The following RAD23B variants were observed in gnomAD, a reference collection of about 807,000 sequenced individuals.
The protein encoded by RAD23B is lysine-specific demethylase RAD23B.
Under a neutral mutation model 49.1 loss-of-function variants are expected in RAD23B, and 5 were observed. The observed-to-expected ratio is 0.10, with a 90% CI of 0.05 to 0.21. The LOEUF is 0.21. Among genes scored for constraint, RAD23B ranks in the 10% least tolerant of loss-of-function variants. RAD23B has a pLI of 1.00. For synonymous variants in RAD23B, 184 were observed against 165.4 expected (o/e 1.11, Z -0.86); for missense variants, 356 against 486.7 (o/e 0.73, Z 2.53).
At chr9:107,308,713 T>C (rs956739708) in intron 4 of RAD23B, among the ~76,000 whole-genome samples, 7 of 152,186 alleles carry the variant, frequency 4.6e-5, no homozygotes, top group Non-Finnish European at 1.0e-4. Context: ...TTACTCTTAT[T>C]TCTCAAAATT....
At chr9:107,298,615 G>A (rs10978787) in intron 1 of RAD23B, among the ~76,000 whole-genome samples, 3 of 149,638 alleles carry the variant, frequency 2.0e-5, no homozygotes, top group African/African-American at 4.9e-5. Flanking sequence ...ACAGGCATCA[G>A]CCACTGCGCC....
At chr9:107,323,057 A>G (rs1013687866) in intron 7 of RAD23B, among the ~76,000 whole-genome samples, 9 of 152,240 alleles carry the variant, frequency 5.9e-5, no homozygotes, top group Non-Finnish European at 1.0e-4. Context: ...GGAAATTACA[A>G]CATACATCTA....
At chr9:107,305,626 G>A (rs1415406620) in intron 3 of RAD23B, among the ~76,000 whole-genome samples, 1 of 152,166 alleles carries the variant, frequency 6.6e-6, no homozygotes, top group Non-Finnish European at 1.5e-5. Context: ...TGCTGAGCGT[G>A]TGGAGGTAAC....
Position 107,331,589 on chromosome 9 carries a change from T to C in RAD23B, c.*1933T>C, listed in dbSNP as rs1387736338. 6 of 721,316 alleles carry C rather than the reference T, an allele frequency of 8.3e-6. No homozygotes were observed. In the African/African-American group the frequency reaches 1.1e-4, roughly 13 times the overall value. 44.7% of individuals were successfully genotyped at this position (721,316 alleles called of 1,614,324 possible). A position where few individuals can be genotyped will look rare whatever the true frequency, so the allele number is the denominator to read the frequency against. On this transcript the variant is annotated 3_prime_UTR_variant, in exon 10 of 10. Transcript: ENST00000358015. ...ACGTTCATCTTTCAAGTCAGAGCAA[T>C]GAGTTGGGAAAAGAGGTGGCATTTC...
At chr9:107,312,455 C>T (rs1175895081) in intron 5 of RAD23B, among the ~76,000 whole-genome samples, 1 of 152,160 alleles carries the variant, frequency 6.6e-6, no homozygotes, top group Admixed American at 6.6e-5. Flanking sequence ...CAGCAGGGTT[C>T]CAGCAGCAGT....
chr9:107,323,633 CAAT>C (rs1007927990), intron 7 of RAD23B, among the ~76,000 whole-genome samples: 3 of 152,096 alleles, frequency 2.0e-5, no homozygotes, highest in African/African-American at 7.2e-5. Context: ...GTGCCAAGGG[CAAT>C]TATAGGAAAG....
chr9:107,321,233 T>G (rs1827104754), intron 6 of RAD23B, among the ~76,000 whole-genome samples: 1 of 151,232 alleles, frequency 6.6e-6, no homozygotes, highest in South Asian at 2.1e-4. Context: ...TTGAGATACT[T>G]TATCTCATTT....
chr9:107,285,298 G>T (rs1833254130), intron 1 of RAD23B, among the ~76,000 whole-genome samples: 1 of 151,444 alleles, frequency 6.6e-6, no homozygotes, highest in African/African-American at 2.4e-5. Flanking sequence ...AATGGAGTTT[G>T]TTTGATGATT....
chr9:107,305,566 G>GC (rs1554741756), intron 3 of RAD23B, among the ~76,000 whole-genome samples: 1 of 151,924 alleles, frequency 6.6e-6, no homozygotes, highest in Non-Finnish European at 1.5e-5. Context: ...TCAACTAATT[G>GC]TTTTTTTGCT....
chr9:107,305,433 G>A (rs1472722556), intron 3 of RAD23B, among the ~76,000 whole-genome samples: 2 of 152,142 alleles, frequency 1.3e-5, no homozygotes, highest in African/African-American at 2.4e-5. Context: ...TTGGTATTGC[G>A]GTCTCAAGGT....
intron 1 of RAD23B, among the ~76,000 whole-genome samples, chr9:107,285,855 T>G (rs1833265141): frequency 6.6e-6 from 1 of 152,234 alleles, no homozygotes; most frequent in Admixed American, 6.5e-5. Flanking sequence ...TTTAATGACT[T>G]TAGGAAATAT....
chr9:107,314,995 T>C (rs1412342914), intron 5 of RAD23B, among the ~76,000 whole-genome samples: 1 of 152,222 alleles, frequency 6.6e-6, no homozygotes, highest in Non-Finnish European at 1.5e-5. Flanking sequence ...TGGGGTTATT[T>C]GTTTTTTTCT....
At chr9:107,296,214 G>A (rs774455906) in intron 1 of RAD23B, among the ~76,000 whole-genome samples, 1 of 152,210 alleles carries the variant, frequency 6.6e-6, no homozygotes, top group Non-Finnish European at 1.5e-5. Context: ...GTCTGGTTCA[G>A]TTATTTTCTT....
chr9:107,290,922 A>T (rs1833371607), intron 1 of RAD23B, among the ~76,000 whole-genome samples: 1 of 152,234 alleles, frequency 6.6e-6, no homozygotes, highest in South Asian at 2.1e-4. Flanking sequence ...AAATTTGCTA[A>T]ATTTAACCCT....
chr9:107,295,179 G>T (rs1826479855), intron 1 of RAD23B, among the ~76,000 whole-genome samples: 3 of 152,028 alleles, frequency 2.0e-5, no homozygotes, highest in Admixed American at 1.3e-4. Flanking sequence ...TTGAGTAGTT[G>T]GTTTGGGATT....
chr9:107,302,649 G>T (rs7024232), intron 3 of RAD23B, among the ~76,000 whole-genome samples: 12 of 126,514 alleles, frequency 9.5e-5, no homozygotes, highest in African/African-American at 2.7e-4. Context: ...AGTTTTTTTT[G>T]TTTTTGTTTT....
chr9:107,322,689 G>A (rs942526874), intron 7 of RAD23B, among the ~76,000 whole-genome samples: 1 of 152,176 alleles, frequency 6.6e-6, no homozygotes, highest in East Asian at 1.9e-4. Context: ...GTTCTCCTTC[G>A]TTCGTTCTTC....
At chr9:107,304,126 GA>G (rs1246607391) in intron 3 of RAD23B, among the ~76,000 whole-genome samples, 1 of 152,154 alleles carries the variant, frequency 6.6e-6, no homozygotes, top group East Asian at 1.9e-4. Context: ...ACAAAGAAGG[GA>G]AAGGAAAAAG....
intron 7 of RAD23B, 126 bp downstream of exon 7, chr9:107,322,244 C>A (rs1173725246): frequency 1.5e-5 from 18 of 1,190,644 alleles, no homozygotes; most frequent in Non-Finnish European, 2.0e-5. Context: ...TAAGTTCTCT[C>A]TTCACTAATG....
Sources: allele counts gnomAD v4.1 joint callset (sites outside exome capture counted in the v4.1 genomes callset), GRCh38; gene constraint gnomAD v4.1.1; transcripts MANE v1.5; gene names NCBI Gene and HGNC (gene_info 2026-07-23, HGNC 2026-07-21).